Variants in FSIP2 observed in about 807,000 individuals in gnomAD.
FSIP2 encodes the protein fibrous sheath-interacting protein 2.
A neutral mutation model predicts 510.5 loss-of-function variants in FSIP2; 367 were observed. That is an observed-to-expected ratio of 0.72 (90% CI 0.66 to 0.78). The LOEUF (loss-of-function observed/expected upper bound fraction) is 0.78, where lower values mean the gene tolerates loss of function less well. Among genes scored for constraint, FSIP2 ranks in the 30% least tolerant of loss-of-function variants. The probability of loss-of-function intolerance (pLI) is 0.00; values close to 1 mark genes in which losing one functional copy is unlikely to be tolerated. For synonymous variants in FSIP2, 2,601 were observed against 2,732.2 expected, an observed-to-expected ratio of 0.95 and a Z score of 1.50; for missense variants, 7,594 against 7,901.7, an observed-to-expected ratio of 0.96 and a Z score of 1.48.
rs1693413169 is a variant in FSIP2, at chr2:185,800,724, G to A, written c.11418G>A (p.Lys3806=). 6.5e-7 allele frequency: 1 copy of A among 1,533,532 alleles called. No individual in the cohort carries two copies. The highest frequency in any genetic ancestry group is 8.7e-7 in the Non-Finnish European group (1 of 1,145,368). The allele number at this position is 1,533,532 out of a possible 1,614,324, so 95.0% of individuals were successfully genotyped here. The part of the protein sequence containing the change: ...SVEDGKSDYR[K]GGMDCECLQV... The stretch of plus-strand genomic sequence containing the variant: ...AAGATGGAAAATCTGATTATCGTAA[G>A]GGAGGAATGGACTGTGAATGCCTTC... The change falls in exon 17 of 23, where the codon AAG becomes AAA. Residue 3806 remains lysine (K), a synonymous_variant. Coordinates refer to ENST00000424728, the MANE Select transcript of FSIP2 (RefSeq NM_173651.4).
intron 17 of FSIP2, among the ~76,000 whole-genome samples, chr2:185,811,496 C>T (rs1462942030): frequency 3.3e-5 from 5 of 150,442 alleles, no homozygotes; most frequent in Admixed American, 1.3e-4. Context: ...TCAACCTGGC[C>T]ATGTGGCAAA....
chr2:185,833,093 C>T lies in FSIP2; in HGVS notation c.20591C>T (p.Thr6864Ile). The change falls in exon 23 of 23, where the codon ACT becomes ATT. Residue 6864 changes from threonine (T) to isoleucine (I), a missense_variant. Coordinates refer to ENST00000424728, the MANE Select transcript of FSIP2 (RefSeq NM_173651.4). The part of the protein sequence containing the change: ...ANPSKEVISE[T>I]PKPDVSKQGS... ...TTCTTGTTTACTTTGTCCACAGAAACTCCCAAGCCCGATGTCTCCAAACAA... is the reference window on the plus strand; with the variant it reads ...TTCTTGTTTACTTTGTCCACAGAAATTCCCAAGCCCGATGTCTCCAAACAA... The T allele has an allele frequency of 6.2e-7, 1 of 1,609,764 alleles. No homozygotes were observed. Among genetic ancestry groups the T allele is most frequent in the Non-Finnish European group, 8.5e-7 (1 of 1,177,572 alleles).
intron 2 of FSIP2, 141 bp from the exon 3 acceptor site, chr2:185,742,992 C>T (rs1691953200): frequency 4.9e-6 from 3 of 614,028 alleles, no homozygotes; most frequent in African/African-American, 1.9e-5. Flanking sequence ...GCATGCCCAA[C>T]TCCAATTTTT....
rs764209324 is a variant in FSIP2, at chr2:185,791,197, C to A, written c.4061C>A (p.Ala1354Glu). The A allele has an allele frequency of 2.6e-6, 4 of 1,533,614 alleles. No individual in the cohort carries two copies. Among genetic ancestry groups the A allele is most frequent in the South Asian group, 1.2e-5 (1 of 84,006 alleles). ...LVTSIDDDIL[A>E]SPLLTCIYDM... ...ACGAGTATTGATGATGACATTTTGG[C>A]GAGTCCATTATTAACCTGTATTTAT... The change falls in exon 16 of 23, where the codon GCG becomes GAG. Residue 1354 changes from alanine (A) to glutamate (E), a missense_variant. Coordinates refer to ENST00000424728, the MANE Select transcript of FSIP2 (RefSeq NM_173651.4).
Position 185,793,986 on chromosome 2 carries a change from T to C in FSIP2, c.6850T>C (p.Phe2284Leu), listed in dbSNP as rs1269685127. Residue 2284 changes from phenylalanine (F) to leucine (L), a missense_variant, in exon 16 of 23, where the codon TTT (phenylalanine) becomes CTT (leucine). By Grantham distance (22) the Phe-to-Leu change is conservative. Transcript: ENST00000424728. ...TLAFQSKEKS[F>L]VIPELENCKQ... ...TGCTTTCCAAAGTAAAGAAAAGTCA[T>C]TTGTTATCCCAGAATTGGAAAATTG... The C allele has an allele frequency of 6.5e-7, 1 of 1,532,638 alleles. No individual in the cohort carries two copies. The highest frequency in any genetic ancestry group is 1.2e-5 in the South Asian group (1 of 83,578). 94.9% of individuals were successfully genotyped at this position (1,532,638 alleles called of 1,614,324 possible).
intron 21 of FSIP2, among the ~76,000 whole-genome samples, chr2:185,830,004 G>C (rs745396455): frequency 6.6e-6 from 1 of 151,862 alleles, no homozygotes; most frequent in Non-Finnish European, 1.5e-5. Flanking sequence ...ATTCTTAATA[G>C]TAGTGCACAC....
chr2:185,806,961 A>C lies in FSIP2; in HGVS notation c.17655A>C (p.Lys5885Asn), dbSNP rs780846788. The change falls in exon 17 of 23, where the codon AAA (lysine) becomes AAC (asparagine). Residue 5885 changes from lysine to asparagine, a missense_variant. Physicochemically the swap from Lys to Asn is moderately conservative, Grantham distance 94. Transcript: ENST00000424728. Reference protein sequence around the residue: ...TDEAPSSIKIKSADKMPPMHK... With the variant: ...TDEAPSSIKINSADKMPPMHK... The stretch of plus-strand genomic sequence containing the variant: ...AAGCACCATCCAGCATTAAGATAAA[A>C]TCTGCAGATAAAATGCCACCTATGC... The C allele has an allele frequency of 6.2e-7, 1 of 1,611,292 alleles. No individual in the cohort carries two copies. The highest frequency in any genetic ancestry group is 8.5e-7 in the Non-Finnish European group (1 of 1,178,676).
At position 185,763,203 on chromosome 2, in the gene FSIP2, C is replaced by T; in HGVS notation, c.1261C>T (p.Gln421Ter). ...TCTAGGAGGTATAAATATTTCAGGC[C>T]AAGGTTCAATTATTTCAGCGCAGGT... ...DDRGGINISG[Q>*]GSIISAQVSP... Residue 421 changes from glutamine to a stop codon, truncating the protein, a stop_gained, in exon 12 of 23, where the codon CAA becomes TAA. Transcript: ENST00000424728. LOFTEE classifies it high-confidence loss of function. The T allele has an allele frequency of 2.0e-6, 3 of 1,484,428 alleles. No homozygotes were observed. The highest frequency in any genetic ancestry group is 1.4e-5 in the African/African-American group (1 of 71,854). The allele number at this position is 1,484,428 out of a possible 1,614,324, so 92.0% of individuals were successfully genotyped here.
At chr2:185,770,337 T>C (rs1692581348) in intron 13 of FSIP2, among the ~76,000 whole-genome samples, 1 of 152,172 alleles carries the variant, frequency 6.6e-6, no homozygotes, top group African/African-American at 2.4e-5. Flanking sequence ...TTCTGGTTGT[T>C]GTGAATCACA....
In FSIP2 at chr2:185,800,714, A is replaced by C. The variant is rs1693412881; in HGVS notation, c.11408A>C (p.Asp3803Ala). ...MLQSVEDGKS[D>A]YRKGGMDCEC... ...CAAAGTGTAGAAGATGGAAAATCTG[A>C]TTATCGTAAGGGAGGAATGGACTGT... The change falls in exon 17 of 23, where the codon GAT becomes GCT. Residue 3803 changes from aspartate (D) to alanine (A), a missense_variant. Physicochemically the swap from Asp to Ala is moderately radical, Grantham distance 126. Transcript: ENST00000424728. 6.5e-7 allele frequency: 1 copy of C among 1,533,800 alleles called. No individual in the cohort carries two copies. The highest frequency in any genetic ancestry group is 1.4e-5 in the African/African-American group (1 of 72,960).
At chr2:185,786,339 G>A in intron 15 of FSIP2, 51 bp downstream of exon 15, 1 of 1,168,100 alleles carries the variant, frequency 8.6e-7, no homozygotes. Flanking sequence ...CATACTTTCT[G>A]ATGCATCATA....
chr2:185,793,389 G>T lies in FSIP2; in HGVS notation c.6253G>T (p.Val2085Leu). Residue 2085 changes from valine to leucine, a missense_variant, in exon 16 of 23, where the codon GTA (valine) becomes TTA (leucine). By Grantham distance (32) the Val-to-Leu change is conservative. Transcript: ENST00000424728. ...GCTCAATGAGACCAAATATCGAAAA[G>T]TACTTCAACTTCAAATACAAGATAC... ...KLLNETKYRK[V>L]LQLQIQDTIE... 6.5e-7 allele frequency: 1 copy of T among 1,533,854 alleles called. No individual in the cohort carries two copies. Among genetic ancestry groups the T allele is most frequent in the Non-Finnish European group, 8.7e-7 (1 of 1,145,478 alleles).
intron 20 of FSIP2, among the ~76,000 whole-genome samples, chr2:185,826,037 A>G (rs1694007888): frequency 6.6e-6 from 1 of 151,864 alleles, no homozygotes; most frequent in African/African-American, 2.4e-5. Flanking sequence ...AGTTGCCTCC[A>G]GTATACAGTG....
rs1693551284 is a variant in FSIP2, at chr2:185,805,697, T to C, written c.16391T>C (p.Ile5464Thr). The C allele has an allele frequency of 6.2e-7, 1 of 1,609,952 alleles. No individual in the cohort carries two copies. Among genetic ancestry groups the C allele is most frequent in the African/African-American group, 1.3e-5 (1 of 74,726 alleles). Residue 5464 changes from isoleucine (I) to threonine (T), a missense_variant, in exon 17 of 23, where the codon ATA becomes ACA. By Grantham distance (89) the Ile-to-Thr change is moderately conservative. Coordinates refer to ENST00000424728, the MANE Select transcript of FSIP2 (RefSeq NM_173651.4). ...AAAAACATGATGAGCACTTTGGAAA[T>C]AAATAGAGGTACAATGAATAGAAAG... ...DCKNMMSTLE[I>T]NRGTMNRKKS...
chr2:185,803,531 A>C lies in FSIP2; in HGVS notation c.14225A>C (p.Gln4742Pro). Residue 4742 changes from glutamine (Q) to proline (P), a missense_variant, in exon 17 of 23, where the codon CAA becomes CCA. By Grantham distance (76) the Gln-to-Pro change is moderately conservative. Transcript: ENST00000424728. ...NIILAEIFDF[Q>P]IHPDLIANLP... ...ATCCTGGCTGAAATTTTTGATTTCC[A>C]AATTCATCCAGATCTTATAGCAAAT... 6.5e-7 allele frequency: 1 copy of C among 1,533,060 alleles called. No homozygotes were observed. Among genetic ancestry groups the C allele is most frequent in the Non-Finnish European group, 8.7e-7 (1 of 1,144,954 alleles). The allele number at this position is 1,533,060 out of a possible 1,614,324, so 95.0% of individuals were successfully genotyped here.
upstream of FSIP2, among the ~76,000 whole-genome samples, chr2:185,737,674 A>G (rs1381492011): frequency 6.6e-6 from 1 of 152,168 alleles, no homozygotes; most frequent in African/African-American, 2.4e-5. Context: ...TGCAGGAAGA[A>G]GCCTTTGTTT....
At position 185,807,765 on chromosome 2, in the gene FSIP2, C is replaced by A; in HGVS notation, c.18459C>A (p.Ile6153=). 1 of 1,612,182 alleles carries A rather than the reference C, an allele frequency of 6.2e-7. No homozygotes were observed. The highest frequency in any genetic ancestry group is 8.5e-7 in the Non-Finnish European group (1 of 1,178,952). Reference sequence around the variant, plus strand: ...AAGTTGAAAACATCGTTGAAAAGATCCTTAAAGATGTTTTCCAAACTACTG... The same window carrying A: ...AAGTTGAAAACATCGTTGAAAAGATACTTAAAGATGTTTTCCAAACTACTG... ...CVEVENIVEK[I]LKDVFQTTDV... Residue 6153 remains isoleucine (I), a synonymous_variant, in exon 17 of 23, where the codon ATC becomes ATA. Transcript: ENST00000424728.
Position 185,795,537 on chromosome 2 carries a change from C to A in FSIP2, c.8401C>A (p.Leu2801Ile). 1.3e-6 allele frequency: 2 copies of A among 1,534,834 alleles called. No homozygotes were observed. Among genetic ancestry groups the A allele is most frequent in the African/African-American group, 1.4e-5 (1 of 73,040 alleles). The change falls in exon 16 of 23, where the codon CTT (leucine) becomes ATT (isoleucine). Residue 2801 changes from leucine to isoleucine, a missense_variant. Leu to Ile is a conservative substitution (Grantham distance 5, BLOSUM62 2). Coordinates refer to ENST00000424728, the MANE Select transcript of FSIP2 (RefSeq NM_173651.4). The part of the protein sequence containing the change: ...AYPMKSSHLR[L>I]SQGNIGTGSL... Reference sequence around the variant, plus strand: ...CCCGATGAAATCCTCACATCTCAGACTTTCACAGGGGAATATAGGCACAGG... The same window carrying A: ...CCCGATGAAATCCTCACATCTCAGAATTTCACAGGGGAATATAGGCACAGG...
intron 15 of FSIP2, among the ~76,000 whole-genome samples, chr2:185,786,643 A>G (rs908098311): frequency 2.6e-5 from 4 of 152,012 alleles, no homozygotes; most frequent in African/African-American, 9.6e-5. Context: ...TTGCTGGTGA[A>G]CTCAGTAGTA....
Sources: allele counts gnomAD v4.1 joint callset (sites outside exome capture counted in the v4.1 genomes callset), GRCh38; gene constraint gnomAD v4.1.1; transcripts MANE v1.5; gene names NCBI Gene and HGNC (gene_info 2026-07-23, HGNC 2026-07-21).